ZNF345: variants seen among roughly 807,000 people sequenced by gnomAD.
The protein encoded by ZNF345 is zinc finger protein 345, also known as zinc finger protein HZF10.
For synonymous variants in ZNF345, 166 were observed against 187.9 expected (o/e 0.88, Z 0.95); for missense variants, 527 against 589.9 (o/e 0.89, Z 1.10).
At chr19:36,858,288 GT>G (rs1423848266) in intron 2 of ZNF345, 1 of 153,230 alleles carries the variant, frequency 6.5e-6, no homozygotes, top group African/African-American at 2.4e-5. Context: ...GTAACTGGTT[GT>G]GATCAATTAG....
intron 2 of ZNF345, among the ~76,000 whole-genome samples, chr19:36,871,809 C>T (rs986878911): frequency 6.6e-6 from 1 of 151,860 alleles, no homozygotes; most frequent in African/African-American, 2.4e-5. Flanking sequence ...CTCTTGTTGC[C>T]CAGGCTGGAG....
At chr19:36,852,834 A>G (rs2072314683) in intron 2 of ZNF345, among the ~76,000 whole-genome samples, 1 of 149,254 alleles carries the variant, frequency 6.7e-6, no homozygotes, top group African/African-American at 2.5e-5. Context: ...AAAGTTGAGC[A>G]TTGATTCTTG....
At chr19:36,873,885 A>T (rs1398081473) in intron 2 of ZNF345, among the ~76,000 whole-genome samples, 1 of 152,118 alleles carries the variant, frequency 6.6e-6, no homozygotes, top group Non-Finnish European at 1.5e-5. Flanking sequence ...ATCAGTGGGC[A>T]CATAGGTTAT....
chr19:36,857,956 A>G (rs1322867835), intron 2 of ZNF345, among the ~76,000 whole-genome samples: 1 of 150,912 alleles, frequency 6.6e-6, no homozygotes, highest in East Asian at 2.0e-4. Context: ...TTTTTTGTAT[A>G]TTTAGTGGAG....
At chr19:36,886,887 G>A (rs1356555895) in intron 3 of ZNF345, among the ~76,000 whole-genome samples, 1 of 151,496 alleles carries the variant, frequency 6.6e-6, no homozygotes, top group African/African-American at 2.4e-5. Context: ...CCAGCTACTC[G>A]GGAGGCTGAG....
chr19:36,855,747 C>T lies in ZNF345; in HGVS notation c.-47+3843C>T, dbSNP rs564963744. On this transcript the variant is annotated intron_variant, in intron 2 of 2. Coordinates refer to ENST00000420450, the MANE Select transcript of ZNF345 (RefSeq NM_001242472.2). ...GATTACAGGCGTGAGCCACCGCACC[C>T]GGCCCATGTTTCTTTTTAACTACGC... 4.0e-3 allele frequency among the ~76,000 whole-genome samples: 160 copies of T among 40,438 alleles called. 1 individual carries two copies. The highest frequency in any genetic ancestry group is 6.7e-3 in the Non-Finnish European group (147 of 21,972). The allele number at this position is 40,438 out of a possible 152,430, so 26.5% of individuals were successfully genotyped here.
chr19:36,855,670 T>C (rs2072401540), intron 2 of ZNF345, among the ~76,000 whole-genome samples: 1 of 151,992 alleles, frequency 6.6e-6, no homozygotes, highest in Admixed American at 6.6e-5. Context: ...CAGGCTGGTC[T>C]CGAACTCCTG....
intron 2 of ZNF345, among the ~76,000 whole-genome samples, chr19:36,854,250 T>A (rs953794258): frequency 6.6e-6 from 1 of 151,546 alleles, no homozygotes; most frequent in African/African-American, 2.4e-5. Context: ...TTTTTTTTTT[T>A]ATTGAGCACC....
At chr19:36,859,625 G>A (rs532939989) in intron 2 of ZNF345, among the ~76,000 whole-genome samples, 7 of 151,612 alleles carry the variant, frequency 4.6e-5, no homozygotes, top group African/African-American at 1.7e-4. Context: ...TTTTTGATAT[G>A]TATCTTGCTC....
At chr19:36,892,210 C>G in intron 3 of ZNF345, 1 of 1,614,144 alleles carries the variant, frequency 6.2e-7, no homozygotes. Context: ...TGAGCCACGA[C>G]TAAAGGACTT....
intron 2 of ZNF345, among the ~76,000 whole-genome samples, chr19:36,852,480 A>G (rs1245424660): frequency 1.3e-5 from 2 of 152,014 alleles, no homozygotes; most frequent in South Asian, 2.1e-4. Flanking sequence ...GCGTGGTGGC[A>G]CGCGCCTGTA....
chr19:36,891,457 T>A (rs752320520), intron 3 of ZNF345: 3 of 1,505,306 alleles, frequency 2.0e-6, no homozygotes, highest in Non-Finnish European at 2.7e-6. Context: ...AAAATTATTA[T>A]AAAGGTTAAC....
At chr19:36,873,843 A>G (rs527852075) in intron 2 of ZNF345, among the ~76,000 whole-genome samples, 1 of 152,180 alleles carries the variant, frequency 6.6e-6, no homozygotes, top group African/African-American at 2.4e-5. Context: ...ATATTCATTT[A>G]TATATATCAC....
intron 3 of ZNF345, chr19:36,891,675 T>G: frequency 6.2e-7 from 1 of 1,613,734 alleles, no homozygotes; most frequent in Non-Finnish European, 8.5e-7. Flanking sequence ...CTGTATGGAT[T>G]CTCTGATGTT....
intron 3 of ZNF345, among the ~76,000 whole-genome samples, chr19:36,886,454 A>G (rs988729055): frequency 6.6e-6 from 1 of 152,218 alleles, no homozygotes; most frequent in Non-Finnish European, 1.5e-5. Flanking sequence ...CCTCCTGCAA[A>G]CAACCTCAGT....
chr19:36,858,154 G>A (rs1334093265), intron 2 of ZNF345: 1 of 152,142 alleles, frequency 6.6e-6, no homozygotes, highest in African/African-American at 2.4e-5. Flanking sequence ...TTGGTCTGGG[G>A]TATGGCCTGA....
In ZNF345 at chr19:36,877,990, A is replaced by C. The variant is rs1199829311; in HGVS notation, c.1160A>C (p.Gln387Pro). ...KAFGSGSKLI[Q>P]HQLIHTGERP... ...TTTGGTAGTGGCTCAAAACTTATCC[A>C]ACACCAGCTAATCCATACTGGTGAA... is the stretch of plus-strand genomic sequence containing the variant. Residue 387 changes from glutamine to proline, a missense_variant, in exon 3 of 3, where the codon CAA becomes CCA. Physicochemically the swap from Gln to Pro is moderately conservative, Grantham distance 76. Transcript: ENST00000420450. 1.9e-6 allele frequency: 3 copies of C among 1,613,924 alleles called. No individual in the cohort carries two copies. The highest frequency in any genetic ancestry group is 2.5e-6 in the Non-Finnish European group (3 of 1,179,914).
At chr19:36,852,128 C>CTTTTTTTTT (rs35747733) in intron 2 of ZNF345, among the ~76,000 whole-genome samples, 194 of 102,660 alleles carry the variant, frequency 1.9e-3, no homozygotes, top group South Asian at 2.6e-3. Flanking sequence ...TTCTTTCTTT[C>CTTTTTTTTT]TTTTTTTTTT....
At chr19:36,892,341 C>T (rs571586407) in intron 3 of ZNF345, 2 of 1,613,736 alleles carry the variant, frequency 1.2e-6, no homozygotes, top group Non-Finnish European at 1.7e-6. Flanking sequence ...TCTCTTCACT[C>T]ATAGTTTTTT....
Sources: gnomAD v4.1 joint callset for allele counts (sites outside exome capture counted in the v4.1 genomes callset) on GRCh38, gnomAD v4.1.1 for gene constraint, MANE v1.5 for transcripts, NCBI Gene and HGNC (gene_info 2026-07-23, HGNC 2026-07-21) for gene names.